The following PPARG variants were observed in gnomAD, a reference collection of about 807,000 sequenced individuals.
PPARG encodes the protein peroxisome proliferator activated receptor gamma, also known as peroxisome proliferator-activated receptor gamma.
A neutral mutation model predicts 39.2 loss-of-function variants in PPARG; 17 were observed. That is an observed-to-expected ratio of 0.43 (90% CI 0.30 to 0.65). PPARG has a LOEUF of 0.65. Among genes scored for constraint, PPARG ranks in the 30% least tolerant of loss-of-function variants. PPARG has a pLI of 0.13. For missense variants in PPARG, 406 were observed against 585.9 expected (o/e 0.69, Z 3.17); for synonymous variants, 223 against 215.7 (o/e 1.03, Z -0.30).
At position 12,292,191 on chromosome 3, in the gene PPARG, T is replaced by C. The variant is rs149853770; in HGVS notation, c.-83+3057T>C. ...ATTTAAAATTGTATTTTCCATTCCC[T>C]GATGACTTTGGACAAAAATCAGCAT... On this transcript the variant is annotated intron_variant, in intron 1 of 7. Transcript: ENST00000651735. Among the ~76,000 whole-genome samples, 242 of 152,338 alleles carry C rather than the reference T, an allele frequency of 1.6e-3. 1 individual carries two copies. Among genetic ancestry groups the C allele is most frequent in the African/African-American group, 5.6e-3 (233 of 41,564 alleles).
In PPARG at chr3:12,315,883, C is replaced by T. The variant is rs187187907; in HGVS notation, c.-9+3430C>T. Among the ~76,000 whole-genome samples the T allele has an allele frequency of 1.5e-3, 221 of 152,256 alleles. 1 individual carries two copies. Among genetic ancestry groups the T allele is most frequent in the Admixed American group, 2.7e-3 (41 of 15,282 alleles). ...TCACACCAGAACTGTCAAAGTATTT[C>T]ATGCAATACTTTGAAAAAAATCTCT... is the stretch of plus-strand genomic sequence containing the variant. On this transcript the variant is annotated intron_variant, in intron 2 of 7. Transcript: ENST00000651735.
chr3:12,394,283 A>G (rs1245382946), intron 5 of PPARG, among the ~76,000 whole-genome samples: 1 of 152,222 alleles, frequency 6.6e-6, no homozygotes, highest in Non-Finnish European at 1.5e-5. Flanking sequence ...TCACACATTC[A>G]TGTAAAATAT....
chr3:12,386,754 T>C (rs1365180148), intron 4 of PPARG, among the ~76,000 whole-genome samples: 3 of 152,198 alleles, frequency 2.0e-5, no homozygotes, highest in African/African-American at 7.2e-5. Context: ...AGTTCTAGGG[T>C]ACATGTGCAC....
At chr3:12,402,263 A>T (rs928999975) in intron 5 of PPARG, among the ~76,000 whole-genome samples, 3 of 152,102 alleles carry the variant, frequency 2.0e-5, no homozygotes, top group Non-Finnish European at 2.9e-5. Context: ...GATTCTAGTC[A>T]CCTCTATTTT....
intron 2 of PPARG, among the ~76,000 whole-genome samples, chr3:12,321,859 A>G (rs7646510): frequency 0.018 from 2,738 of 152,324 alleles, 88 homozygotes; most frequent in African/African-American, 0.06. Context: ...AACAGAGACC[A>G]TGTTCAGGGA....
chr3:12,394,019 C>A (rs2050173490), intron 5 of PPARG, among the ~76,000 whole-genome samples: 1 of 152,138 alleles, frequency 6.6e-6, no homozygotes, highest in Non-Finnish European at 1.5e-5. Flanking sequence ...CTGTATACAA[C>A]TGTAGTCATG....
intron 2 of PPARG, among the ~76,000 whole-genome samples, chr3:12,360,900 C>G (rs892247881): frequency 6.6e-6 from 1 of 152,024 alleles, no homozygotes; most frequent in African/African-American, 2.4e-5. Context: ...CTGTAGGTCT[C>G]TTAGTGAAGG....
At chr3:12,322,453 T>C (rs2047572701) in intron 2 of PPARG, among the ~76,000 whole-genome samples, 1 of 152,176 alleles carries the variant, frequency 6.6e-6, no homozygotes, top group African/African-American at 2.4e-5. Flanking sequence ...AAGAATTAAA[T>C]AATAGAGCCA....
chr3:12,347,725 T>C (rs1014169473), intron 2 of PPARG, among the ~76,000 whole-genome samples: 3 of 152,140 alleles, frequency 2.0e-5, no homozygotes, highest in African/African-American at 7.2e-5. Flanking sequence ...AGAAAATGGA[T>C]GCTATTATCA....
intron 7 of PPARG, among the ~76,000 whole-genome samples, chr3:12,418,960 T>C (rs2051169482): frequency 6.6e-6 from 1 of 152,222 alleles, no homozygotes; most frequent in Admixed American, 6.5e-5. Context: ...TTTTTTGTTT[T>C]TGAGGCGAAG....
chr3:12,383,239 G>A (rs1237248159), intron 4 of PPARG, among the ~76,000 whole-genome samples: 1 of 144,938 alleles, frequency 6.9e-6, no homozygotes, highest in Non-Finnish European at 1.6e-5. Context: ...ATTTCAAAAT[G>A]ACACTTTGAA....
intron 4 of PPARG, among the ~76,000 whole-genome samples, chr3:12,386,461 T>C (rs2049876380): frequency 6.6e-6 from 1 of 152,122 alleles, no homozygotes; most frequent in South Asian, 2.1e-4. Context: ...GATACACTTT[T>C]GAAAGTCATC....
chr3:12,369,636 A>C (rs567436622), intron 2 of PPARG, among the ~76,000 whole-genome samples: 3 of 152,186 alleles, frequency 2.0e-5, no homozygotes, highest in South Asian at 4.1e-4. Context: ...CCTCCCCTCC[A>C]TCTTCACAAT....
intron 2 of PPARG, among the ~76,000 whole-genome samples, chr3:12,329,157 C>T (rs1197855714): frequency 2.5e-5 from 3 of 121,770 alleles, no homozygotes; most frequent in South Asian, 2.5e-4. Context: ...ACAATAAATA[C>T]TCAAAATGCA....
chr3:12,321,495 G>A (rs1021514703), intron 2 of PPARG, among the ~76,000 whole-genome samples: 13 of 152,098 alleles, frequency 8.5e-5, no homozygotes, highest in Non-Finnish European at 1.3e-4. Flanking sequence ...CCTACTGATC[G>A]CTGCTACTAT....
At chr3:12,384,581 G>A (rs2049804696) in intron 4 of PPARG, among the ~76,000 whole-genome samples, 3 of 152,102 alleles carry the variant, frequency 2.0e-5, no homozygotes, top group African/African-American at 7.2e-5. Flanking sequence ...GATGATATTG[G>A]TAGGATGTGG....
intron 1 of PPARG, among the ~76,000 whole-genome samples, chr3:12,293,147 G>C (rs1324038330): frequency 6.6e-6 from 1 of 152,118 alleles, no homozygotes; most frequent in Admixed American, 6.6e-5. Context: ...ACAGTGCCAT[G>C]AATTTTTTTT....
At chr3:12,397,845 C>G (rs1242451826) in intron 5 of PPARG, among the ~76,000 whole-genome samples, 1 of 152,068 alleles carries the variant, frequency 6.6e-6, no homozygotes, top group Non-Finnish European at 1.5e-5. Context: ...GTCCCTCTAC[C>G]CTGCGTGGAC....
chr3:12,321,248 C>T (rs1214873561), intron 2 of PPARG, among the ~76,000 whole-genome samples: 1 of 152,142 alleles, frequency 6.6e-6, no homozygotes. Flanking sequence ...TGGTGGCTGG[C>T]ATGTGGTGGA....
Sources: gnomAD v4.1 joint callset for allele counts (sites outside exome capture counted in the v4.1 genomes callset) on GRCh38, gnomAD v4.1.1 for gene constraint, MANE v1.5 for transcripts, NCBI Gene and HGNC (gene_info 2026-07-23, HGNC 2026-07-21) for gene names.